Variants in HERC6 observed in about 807,000 individuals in gnomAD.
The protein encoded by HERC6 is HECT and RLD domain containing E3 ubiquitin protein ligase family member 6.
HERC6 carries 101 observed loss-of-function variants against 114.5 expected under a neutral mutation model. The ratio of observed to expected loss-of-function variants is 0.88; its 90% CI spans 0.75 to 1.04. The LOEUF is 1.04. Among genes scored for constraint, HERC6 ranks in the 50% least tolerant of loss-of-function variants. The probability of loss-of-function intolerance (pLI) is 0.00; values close to 1 mark genes in which losing one functional copy is unlikely to be tolerated. For missense variants in HERC6, 1,133 were observed against 1,230.9 expected, an observed-to-expected ratio of 0.92 and a Z score of 1.19; for synonymous variants, 408 against 436.2, an observed-to-expected ratio of 0.94 and a Z score of 0.81.
chr4:88,407,780 A>C lies in HERC6; in HGVS notation c.1275-744A>C, dbSNP rs957329938. On this transcript the variant is annotated intron_variant, in intron 10 of 22. Transcript: ENST00000264346. ...GAATGCTGGCCTCTCAAATATCACT[A>C]AAACAACTTGTTGATAAGACAGGCC... 5.3e-5 allele frequency among the ~76,000 whole-genome samples: 8 copies of C among 152,316 alleles called. No individual in the cohort carries two copies. The East Asian group carries it at 7.7e-4, about 15-fold the overall frequency.
At chr4:88,434,765 C>CAAAAAAAAAAAA (rs761784879) in intron 17 of HERC6, among the ~76,000 whole-genome samples, 1 of 103,316 alleles carries the variant, frequency 9.7e-6, no homozygotes, top group Non-Finnish European at 2.1e-5. Flanking sequence ...AAAACAGAGA[C>CAAAAAAAAAAAA]AAAAAAAAAA....
intron 1 of HERC6, among the ~76,000 whole-genome samples, chr4:88,382,450 C>T (rs138011229): frequency 5.4e-4 from 82 of 152,230 alleles, no homozygotes; most frequent in African/African-American, 1.9e-3. Context: ...TCACTGCTTT[C>T]AGTGTTTAGG....
chr4:88,388,238 A>G (rs946160403), intron 3 of HERC6, among the ~76,000 whole-genome samples: 1 of 151,924 alleles, frequency 6.6e-6, no homozygotes, highest in Non-Finnish European at 1.5e-5. Context: ...CCTAGCCAAC[A>G]TGGTGAAACC....
At chr4:88,405,447 A>G (rs1735772446) in intron 9 of HERC6, 107 bp from the exon 10 acceptor site, 2 of 538,226 alleles carry the variant, frequency 3.7e-6, no homozygotes, top group Middle Eastern at 4.8e-4. Flanking sequence ...AGTTATTTTC[A>G]TTAATAATTA....
At chr4:88,426,377 AG>A (rs1169919489) in intron 15 of HERC6, among the ~76,000 whole-genome samples, 2 of 152,128 alleles carry the variant, frequency 1.3e-5, no homozygotes, top group Non-Finnish European at 2.9e-5. Flanking sequence ...CATGTTGGTC[AG>A]GCTGGTCTCG....
intron 17 of HERC6, among the ~76,000 whole-genome samples, chr4:88,433,951 T>C (rs10006830): frequency 0.38 from 57,250 of 152,088 alleles, 13,012 homozygotes; most frequent in East Asian, 0.73. Context: ...GCCAATGGTA[T>C]GATTTTTTGT....
intron 15 of HERC6, among the ~76,000 whole-genome samples, chr4:88,427,948 G>T (rs553193165): frequency 6.6e-6 from 1 of 152,210 alleles, no homozygotes; most frequent in Admixed American, 6.5e-5. Flanking sequence ...ACAATGTTGA[G>T]AATTCAGAAA....
In HERC6 at chr4:88,379,176, G is replaced by C. The variant is rs1349074618; in HGVS notation, c.199+56G>C. On this transcript the variant is annotated intron_variant, in intron 1 of 22. Transcript: ENST00000264346. ...AGGACCCCAGTACATGGGCGCGGGG[G>C]CTTGGGTACCGGGCGCAGGGAACCG... 4.4e-6 allele frequency: 6 copies of C among 1,364,334 alleles called. No individual in the cohort carries two copies. In the African/African-American group the frequency reaches 4.5e-5, roughly 10 times the overall value. 84.5% of individuals were successfully genotyped at this position (1,364,334 alleles called of 1,614,324 possible).
intron 1 of HERC6, among the ~76,000 whole-genome samples, chr4:88,382,741 G>A (rs1734383932): frequency 2.6e-5 from 4 of 152,144 alleles, no homozygotes; most frequent in Admixed American, 2.6e-4. Context: ...GATGCCAGGG[G>A]GAACCTTTGA....
chr4:88,381,117 A>G (rs1734294447), intron 1 of HERC6, among the ~76,000 whole-genome samples: 1 of 152,148 alleles, frequency 6.6e-6, no homozygotes, highest in South Asian at 2.1e-4. Flanking sequence ...TATAAATAAT[A>G]CTGATTGATA....
At chr4:88,411,573 A>G (rs1478493954) in intron 11 of HERC6, among the ~76,000 whole-genome samples, 1 of 152,238 alleles carries the variant, frequency 6.6e-6, no homozygotes, top group Non-Finnish European at 1.5e-5. Context: ...ATTTACCCTT[A>G]GGACATGAAA....
At position 88,442,256 on chromosome 4, in the gene HERC6, G is replaced by A. The variant is rs764042841; in HGVS notation, c.2865G>A (p.Arg955=). Residue 955 remains arginine, a synonymous_variant, in exon 23 of 23, where the codon AGG becomes AGA. Coordinates refer to ENST00000264346, the MANE Select transcript of HERC6 (RefSeq NM_017912.4). The stretch of plus-strand genomic sequence containing the variant: ...TAGTTTTCCTTACAGGACGTGATAG[G>A]CTGCATGCAAGAGGCATACAGAAAA... ...KFLFFLTGRD[R]LHARGIQKME... is the part of the protein sequence containing the mutation. 5 of 1,611,860 alleles carry A rather than the reference G, an allele frequency of 3.1e-6. No individual in the cohort carries two copies. In the African/African-American group the frequency reaches 6.7e-5, roughly 21 times the overall value.
At chr4:88,395,922 C>A in intron 5 of HERC6, 93 bp from the exon 6 acceptor site, 1 of 1,105,824 alleles carries the variant, frequency 9.0e-7, no homozygotes, top group African/African-American at 1.6e-5. Context: ...TCACAGAGTG[C>A]TCCCGTATTA....
At chr4:88,419,382 G>T (rs979377320) in intron 13 of HERC6, among the ~76,000 whole-genome samples, 8 of 152,214 alleles carry the variant, frequency 5.3e-5, no homozygotes, top group Admixed American at 6.5e-5. Context: ...CCAATAAAGA[G>T]AAATCAGACT....
chr4:88,388,461 G>C (rs559678286), intron 3 of HERC6, among the ~76,000 whole-genome samples: 1 of 149,426 alleles, frequency 6.7e-6, no homozygotes, highest in Non-Finnish European at 1.5e-5. Flanking sequence ...TGAGGCAGGA[G>C]AATCACTTGA....
At position 88,396,083 on chromosome 4, in the gene HERC6, G is replaced by A; in HGVS notation, c.828G>A (p.Lys276=). 6.2e-7 allele frequency: 1 copy of A among 1,609,166 alleles called. No homozygotes were observed. The highest frequency in any genetic ancestry group is 8.5e-7 in the Non-Finnish European group (1 of 1,177,612). Residue 276 remains lysine (K), a synonymous_variant, in exon 6 of 23, where the codon AAG becomes AAA. Transcript: ENST00000264346. ...GQLGYSPTPE[K]RGPQLVERID... Reference sequence around the variant, plus strand: ...TGGGATACAGCCCCACTCCTGAGAAGAGAGGTCCACAACTTGTGGAAAGAA... The same window carrying A: ...TGGGATACAGCCCCACTCCTGAGAAAAGAGGTCCACAACTTGTGGAAAGAA...
At chr4:88,427,050 T>C (rs1283259827) in intron 15 of HERC6, among the ~76,000 whole-genome samples, 1 of 152,188 alleles carries the variant, frequency 6.6e-6, no homozygotes, top group Non-Finnish European at 1.5e-5. Flanking sequence ...AATAATGGAC[T>C]CGGGCAGATT....
At position 88,431,313 on chromosome 4, in the gene HERC6, TTTTC is replaced by T; in HGVS notation, c.2250+12_2250+15del. ...ATGTGGTTTCCTGCCAAGGTAAGTCTTTTCTTTTTTTTTTTTCCCCCAGAACAGA... is the reference window on the plus strand; with the variant it reads ...ATGTGGTTTCCTGCCAAGGTAAGTCTTTTTTTTTTTTTCCCCCAGAACAGA... On this transcript the variant is annotated intron_variant, in intron 17 of 22. Coordinates refer to ENST00000264346, the MANE Select transcript of HERC6 (RefSeq NM_017912.4). 1 of 1,582,380 alleles carries T rather than the reference TTTTC, an allele frequency of 6.3e-7. No individual in the cohort carries two copies. Among genetic ancestry groups the T allele is most frequent in the Non-Finnish European group, 8.5e-7 (1 of 1,170,214 alleles).
intron 10 of HERC6, among the ~76,000 whole-genome samples, chr4:88,406,225 G>A (rs1189555080): frequency 6.6e-6 from 1 of 152,236 alleles, no homozygotes; most frequent in Admixed American, 6.5e-5. Context: ...TTTGGAGGTT[G>A]ATGCCTTGCT....
Sources: gnomAD v4.1 joint callset for allele counts (sites outside exome capture counted in the v4.1 genomes callset) on GRCh38, gnomAD v4.1.1 for gene constraint, MANE v1.5 for transcripts, NCBI Gene and HGNC (gene_info 2026-07-23, HGNC 2026-07-21) for gene names.